The following CLSTN1 variants were observed in gnomAD, a reference collection of about 807,000 sequenced individuals.
CLSTN1 encodes the protein calsyntenin 1.
CLSTN1 carries 28 observed loss-of-function variants against 108.3 expected under a neutral mutation model. The observed-to-expected ratio is 0.26, with a 90% CI of 0.19 to 0.35. CLSTN1 has a LOEUF of 0.35. Ranked by LOEUF, CLSTN1 falls within the 10% of genes least tolerant of loss-of-function variation. The probability of loss-of-function intolerance (pLI) is 1.00; values close to 1 mark genes in which losing one functional copy is unlikely to be tolerated. For missense variants in CLSTN1, 1,157 were observed against 1,302.6 expected (o/e 0.89, Z 1.72); for synonymous variants, 524 against 534.9 (o/e 0.98, Z 0.28).
At chr1:9,808,878 C>A (rs919876240) in intron 1 of CLSTN1, among the ~76,000 whole-genome samples, 1 of 151,822 alleles carries the variant, frequency 6.6e-6, no homozygotes, top group Admixed American at 6.6e-5. Context: ...ACTGCTCTAG[C>A]CTGAGCCAAG....
At position 9,796,113 on chromosome 1, in the gene CLSTN1, T is replaced by C. The variant is rs1240350106; in HGVS notation, c.92-22719A>G. On this transcript the variant is annotated intron_variant, in intron 1 of 18. Transcript: ENST00000377298. ...CCTGTCTCTACTAAACACAGAAAAA[T>C]TAGCTGGGCGTGGTGGTGGGCGCCT... Among the ~76,000 whole-genome samples, 4 of 149,284 alleles carry C rather than the reference T, an allele frequency of 2.7e-5. No individual in the cohort carries two copies. In the South Asian group the frequency reaches 9.0e-4, roughly 34 times the overall value.
At chr1:9,770,427 A>G (rs938677774) in intron 2 of CLSTN1, among the ~76,000 whole-genome samples, 1 of 152,202 alleles carries the variant, frequency 6.6e-6, no homozygotes, top group Non-Finnish European at 1.5e-5. Flanking sequence ...CGTACATTTC[A>G]TTTCCTACTT....
At chr1:9,817,165 G>A (rs1351309752) in intron 1 of CLSTN1, among the ~76,000 whole-genome samples, 3 of 152,126 alleles carry the variant, frequency 2.0e-5, no homozygotes, top group South Asian at 2.1e-4. Context: ...CCAGGAGTTC[G>A]AGACCAGCCT....
In CLSTN1 at chr1:9,823,003, G is replaced by A. The variant is rs1406882102; in HGVS notation, c.91+640C>T. ...TTCACCTTTGGGTGAAAAGGTGGGA[G>A]GGAAGCACTAAGTTTCAGCCTCGGC... is the stretch of plus-strand genomic sequence containing the variant. On this transcript the variant is annotated intron_variant, in intron 1 of 18. Coordinates refer to ENST00000377298, the MANE Select transcript of CLSTN1 (RefSeq NM_001009566.3). This position sits in a 1 kb window ranked among gnomAD's most constrained non-coding sequence, Gnocchi z 6.3. 1.3e-5 allele frequency among the ~76,000 whole-genome samples: 2 copies of A among 152,202 alleles called. No individual in the cohort carries two copies. The highest frequency in any genetic ancestry group is 2.9e-5 in the Non-Finnish European group (2 of 68,040).
At chr1:9,735,751 G>T in intron 12 of CLSTN1, 134 bp downstream of exon 12, 1 of 1,496,782 alleles carries the variant, frequency 6.7e-7, no homozygotes, top group South Asian at 1.2e-5. Flanking sequence ...GCTCGTTTAA[G>T]TCCAGTGAAC....
In CLSTN1 at chr1:9,731,131, C is replaced by T. The variant is rs541009015; in HGVS notation, c.2748+75G>A. ...TGGAAAGCATGTGAACCTGAAGGAG[C>T]CGCGCCGTACCGGCTTCTCGGAGGC... On this transcript the variant is annotated intron_variant, in intron 18 of 18. Transcript: ENST00000377298. 7.7e-6 allele frequency: 12 copies of T among 1,554,954 alleles called. No homozygotes were observed. The East Asian group carries it at 2.2e-4, about 29-fold the overall frequency.
chr1:9,750,715 C>CAAAAAA (rs775430059), intron 5 of CLSTN1, among the ~76,000 whole-genome samples: 7 of 77,178 alleles, frequency 9.1e-5, no homozygotes, highest in African/African-American at 1.7e-4. Flanking sequence ...TTCCCTCAAA[C>CAAAAAA]AAAAAAAAAA....
chr1:9,762,819 G>A (rs950158187), intron 2 of CLSTN1, among the ~76,000 whole-genome samples: 3 of 151,604 alleles, frequency 2.0e-5, no homozygotes, highest in Admixed American at 6.6e-5. Context: ...TGCTCCACTC[G>A]GCCTTGGTGC....
intron 1 of CLSTN1, among the ~76,000 whole-genome samples, chr1:9,817,912 A>T (rs1655037885): frequency 6.6e-6 from 1 of 151,838 alleles, no homozygotes; most frequent in African/African-American, 2.4e-5. Context: ...TGTCAGGCTG[A>T]CACAGTGGGG....
intron 13 of CLSTN1, 125 bp from the exon 14 acceptor site, chr1:9,735,299 C>T (rs1232631370): frequency 7.3e-7 from 1 of 1,363,944 alleles, no homozygotes. Flanking sequence ...ACTCCAGGAA[C>T]ACACTTGCAA....
At position 9,751,681 on chromosome 1, in the gene CLSTN1, T is replaced by C; in HGVS notation, c.441A>G (p.Lys147=). Residue 147 remains lysine (K), a splice_region_variant and synonymous_variant, in exon 5 of 19, where the codon AAA becomes AAG. Coordinates refer to ENST00000377298, the MANE Select transcript of CLSTN1 (RefSeq NM_001009566.3). ...PDGTNVKKSH[K]ATVHIQVNDV... ...CGTTCACCTGAATATGAACAGTTGC[T>C]CTGGACAAAGGGAGGGAGAAAAATA... 6.2e-7 allele frequency: 1 copy of C among 1,613,886 alleles called. No individual in the cohort carries two copies. Among genetic ancestry groups the C allele is most frequent in the Non-Finnish European group, 8.5e-7 (1 of 1,179,804 alleles).
At chr1:9,792,936 C>T (rs1274479158) in intron 1 of CLSTN1, among the ~76,000 whole-genome samples, 2 of 151,282 alleles carry the variant, frequency 1.3e-5, no homozygotes, top group Non-Finnish European at 2.9e-5. Context: ...AGGTGGACAG[C>T]CTCTCTCTCA....
chr1:9,757,431 C>T (rs1314999001), intron 2 of CLSTN1, among the ~76,000 whole-genome samples: 2 of 151,658 alleles, frequency 1.3e-5, no homozygotes, highest in Non-Finnish European at 2.9e-5. Context: ...TTAGTAGAGA[C>T]AGGGTTTCAC....
chr1:9,779,096 C>G (rs1276706380), intron 1 of CLSTN1, among the ~76,000 whole-genome samples: 1 of 151,978 alleles, frequency 6.6e-6, no homozygotes, highest in Non-Finnish European at 1.5e-5. Context: ...GCGAGCCTCC[C>G]TGGAGCAGCA....
chr1:9,773,215 A>T lies in CLSTN1; in HGVS notation c.214+57T>A, dbSNP rs563639619. ...TCAGCATTACCCAAATGGGATGTGC[A>T]GAATGCTTCCTGACCAGGCCCGATT... On this transcript the variant is annotated intron_variant, in intron 2 of 18. Coordinates refer to ENST00000377298, the MANE Select transcript of CLSTN1 (RefSeq NM_001009566.3). 5 of 1,609,134 alleles carry T rather than the reference A, an allele frequency of 3.1e-6. No individual in the cohort carries two copies. In the African/African-American group the frequency reaches 6.7e-5, roughly 21 times the overall value.
intron 1 of CLSTN1, among the ~76,000 whole-genome samples, chr1:9,785,708 G>A (rs1653455576): frequency 1.3e-5 from 2 of 151,984 alleles, no homozygotes; most frequent in African/African-American, 4.8e-5. Flanking sequence ...ACCCCGTTAA[G>A]GAAAACCAAT....
At chr1:9,756,024 C>G (rs1175018818) in intron 3 of CLSTN1, among the ~76,000 whole-genome samples, 1 of 152,130 alleles carries the variant, frequency 6.6e-6, no homozygotes, top group East Asian at 1.9e-4. Context: ...GAAAAAGACA[C>G]CAGCCTGGGA....
chr1:9,748,601 C>T (rs1480205335), intron 7 of CLSTN1, among the ~76,000 whole-genome samples: 2 of 152,204 alleles, frequency 1.3e-5, no homozygotes, highest in Non-Finnish European at 2.9e-5. Flanking sequence ...GATCCTCCTC[C>T]CTCAGCCCCC....
intron 2 of CLSTN1, among the ~76,000 whole-genome samples, chr1:9,772,509 C>A (rs1019991222): frequency 6.6e-6 from 1 of 152,074 alleles, no homozygotes; most frequent in African/African-American, 2.4e-5. Context: ...TATGCGAAAA[C>A]AACTCTTAAA....
Sources: gnomAD v4.1 joint callset for allele counts (sites outside exome capture counted in the v4.1 genomes callset) on GRCh38, gnomAD v4.1.1 for gene constraint, Gnocchi (gnomAD v3.1) non-coding constraint, MANE v1.5 for transcripts, NCBI Gene and HGNC (gene_info 2026-07-23, HGNC 2026-07-21) for gene names.